CPLX2: variants seen among roughly 807,000 people sequenced by gnomAD.
CPLX2 encodes complexin 2, also known as complexin-2.
Under a neutral mutation model 16.3 loss-of-function variants are expected in CPLX2, and 5 were observed. That is an observed-to-expected ratio of 0.31 (90% CI 0.16 to 0.64). The LOEUF (loss-of-function observed/expected upper bound fraction) is 0.64, where lower values mean the gene tolerates loss of function less well. Among genes scored for constraint, CPLX2 ranks in the 30% least tolerant of loss-of-function variants. The probability of loss-of-function intolerance (pLI) is 0.79; values close to 1 mark genes in which losing one functional copy is unlikely to be tolerated. For synonymous variants in CPLX2, 89 were observed against 73.2 expected (o/e 1.22, Z -1.10); for missense variants, 144 against 181.4 (o/e 0.79, Z 1.18).
chr5:175,853,833 C>G (rs1369161837), intron 2 of CPLX2, among the ~76,000 whole-genome samples: 2 of 152,148 alleles, frequency 1.3e-5, no homozygotes, highest in Admixed American at 6.5e-5. Context: ...CCAGCTTCCC[C>G]CTCTGTGGAG....
chr5:175,858,010 G>A (rs1210180391), intron 2 of CPLX2, among the ~76,000 whole-genome samples: 1 of 152,226 alleles, frequency 6.6e-6, no homozygotes, highest in Non-Finnish European at 1.5e-5. Flanking sequence ...CCAGCAACGT[G>A]CCTGCAAGGA....
At chr5:175,804,706 C>A (rs544481364) in intron 1 of CPLX2, among the ~76,000 whole-genome samples, 1 of 152,202 alleles carries the variant, frequency 6.6e-6, no homozygotes, top group South Asian at 2.1e-4. Flanking sequence ...TAACAAGACC[C>A]CCCGGTGATT....
intron 2 of CPLX2, among the ~76,000 whole-genome samples, chr5:175,846,763 G>A (rs954219181): frequency 6.6e-6 from 1 of 152,106 alleles, no homozygotes; most frequent in African/African-American, 2.4e-5. Context: ...CTGTAAGCTG[G>A]ACTTCTGTCT....
intron 2 of CPLX2, among the ~76,000 whole-genome samples, chr5:175,812,336 G>GCC (rs1758326960): frequency 2.6e-5 from 4 of 152,180 alleles, no homozygotes; most frequent in Non-Finnish European, 5.9e-5. Context: ...GTGAGCAGGG[G>GCC]CTGCTCACAC....
intron 2 of CPLX2, among the ~76,000 whole-genome samples, chr5:175,819,972 T>C (rs1758476338): frequency 6.6e-6 from 1 of 152,168 alleles, no homozygotes; most frequent in Non-Finnish European, 1.5e-5. Context: ...AAGGAAATTA[T>C]CCACCTGTCT....
chr5:175,801,171 A>AAAC (rs928380414), intron 1 of CPLX2, among the ~76,000 whole-genome samples: 6 of 151,026 alleles, frequency 4.0e-5, no homozygotes, highest in African/African-American at 1.5e-4. Context: ...TAAAAAAAAA[A>AAAC]AAAAACTGGG....
intron 2 of CPLX2, among the ~76,000 whole-genome samples, chr5:175,816,448 G>C (rs112348878): frequency 0.01 from 1,595 of 152,326 alleles, 21 homozygotes; most frequent in African/African-American, 0.036. Flanking sequence ...TTACAGGCTT[G>C]AGCCACCGCA....
intron 2 of CPLX2, among the ~76,000 whole-genome samples, chr5:175,843,023 C>G (rs930745051): frequency 2.0e-5 from 3 of 152,194 alleles, no homozygotes; most frequent in Non-Finnish European, 4.4e-5. Context: ...CTCATCCCCC[C>G]AGGCTGAGCT....
chr5:175,860,571 G>GAGGA (rs1186800446), intron 2 of CPLX2, among the ~76,000 whole-genome samples: 2 of 121,214 alleles, frequency 1.6e-5, no homozygotes, highest in Admixed American at 8.4e-5. Context: ...AAAAAGAAGG[G>GAGGA]AGGGAGGGAG....
chr5:175,808,416 G>A (rs1055894267), intron 1 of CPLX2, among the ~76,000 whole-genome samples: 7 of 151,898 alleles, frequency 4.6e-5, no homozygotes, highest in Non-Finnish European at 7.4e-5. Context: ...GGAATGCATG[G>A]TGCCCCCTAG....
At chr5:175,808,644 A>G (rs1475397065) in intron 1 of CPLX2, among the ~76,000 whole-genome samples, 5 of 152,206 alleles carry the variant, frequency 3.3e-5, no homozygotes, top group Admixed American at 3.3e-4. Flanking sequence ...GATATGATTG[A>G]TGATAAATCC....
At chr5:175,814,720 A>C (rs1200306534) in intron 2 of CPLX2, among the ~76,000 whole-genome samples, 1 of 152,224 alleles carries the variant, frequency 6.6e-6, no homozygotes, top group Non-Finnish European at 1.5e-5. Context: ...AAAGCTGGAC[A>C]CAGGGCTCAG....
chr5:175,827,465 G>T (rs970329327), intron 2 of CPLX2, among the ~76,000 whole-genome samples: 3 of 152,140 alleles, frequency 2.0e-5, no homozygotes, highest in Non-Finnish European at 4.4e-5. Context: ...TAAAGTCCAA[G>T]AGATGATGGC....
chr5:175,813,465 G>GCTGAACC (rs1405070366), intron 2 of CPLX2, among the ~76,000 whole-genome samples: 1 of 152,228 alleles, frequency 6.6e-6, no homozygotes, highest in Non-Finnish European at 1.5e-5. Flanking sequence ...CCCTGGGGTG[G>GCTGAACC]TTGAACCTAG....
intron 1 of CPLX2, among the ~76,000 whole-genome samples, chr5:175,801,161 T>TAA (rs3051187): frequency 0.077 from 10,899 of 140,908 alleles, 599 homozygotes; most frequent in African/African-American, 0.14. Flanking sequence ...AGAGGAGTGT[T>TAA]AAAAAAAAAA....
Position 175,881,924 on chromosome 5 carries a change from T to C in CPLX2, c.*1879T>C, listed in dbSNP as rs1320636457. On this transcript the variant is annotated 3_prime_UTR_variant, in exon 4 of 4. Coordinates refer to ENST00000393745, the MANE Select transcript of CPLX2 (RefSeq NM_001008220.2). ...TTTTCCATTTTAGTGGGTTCTGCTT[T>C]TATTTCAGAGACAGACATGTGTCTT... The C allele has an allele frequency of 6.5e-6, 1 of 152,696 alleles. No individual in the cohort carries two copies. The allele number at this position is 152,696 out of a possible 1,614,324, so 9.5% of individuals were successfully genotyped here.
intron 2 of CPLX2, among the ~76,000 whole-genome samples, chr5:175,832,224 A>G (rs1326204856): frequency 1.3e-5 from 2 of 152,228 alleles, no homozygotes; most frequent in African/African-American, 4.8e-5. Context: ...ACAGCTCCTC[A>G]TTTCCTATGT....
chr5:175,801,031 G>T (rs1335350007), intron 1 of CPLX2, among the ~76,000 whole-genome samples: 1 of 152,130 alleles, frequency 6.6e-6, no homozygotes, highest in East Asian at 1.9e-4. Flanking sequence ...TGAGGGGAGA[G>T]CAGCAGCCGC....
intron 2 of CPLX2, among the ~76,000 whole-genome samples, chr5:175,854,119 C>G (rs1445174739): frequency 6.6e-6 from 1 of 152,150 alleles, no homozygotes; most frequent in Admixed American, 6.5e-5. Flanking sequence ...ATGCCCGGTG[C>G]CCTGTCCCCA....
Sources: allele counts gnomAD v4.1 joint callset (sites outside exome capture counted in the v4.1 genomes callset), GRCh38; gene constraint gnomAD v4.1.1; transcripts MANE v1.5; gene names NCBI Gene and HGNC (gene_info 2026-07-23, HGNC 2026-07-21).